The following GRID1 variants were observed in gnomAD, a reference collection of about 807,000 sequenced individuals.
GRID1 encodes glutamate ionotropic receptor delta type subunit 1, also known as glutamate receptor ionotropic, delta-1.
GRID1 carries 28 observed loss-of-function variants against 98.0 expected under a neutral mutation model. The observed-to-expected ratio is 0.29, with a 90% CI of 0.21 to 0.39. The LOEUF (loss-of-function observed/expected upper bound fraction) is 0.39. Ranked by LOEUF, GRID1 falls within the 10% of genes least tolerant of loss-of-function variation. The probability of loss-of-function intolerance (pLI) is 1.00; values close to 1 mark genes in which losing one functional copy is unlikely to be tolerated. For synonymous variants in GRID1, 553 were observed against 538.5 expected (o/e 1.03, Z -0.37); for missense variants, 1,111 against 1,340.5 (o/e 0.83, Z 2.67).
intron 8 of GRID1, among the ~76,000 whole-genome samples, chr10:85,805,566 A>G (rs1842616254): frequency 1.3e-5 from 2 of 151,934 alleles, no homozygotes; most frequent in Admixed American, 6.6e-5. Context: ...AGTAAAAGTG[A>G]AGAATTTACA....
At chr10:86,270,839 A>G (rs1044689860) in intron 2 of GRID1, among the ~76,000 whole-genome samples, 4 of 152,198 alleles carry the variant, frequency 2.6e-5, no homozygotes, top group Non-Finnish European at 4.4e-5. Context: ...TTTTCAAGAC[A>G]TTGGAGAGAA....
At chr10:85,615,506 T>C (rs1842778015) in intron 14 of GRID1, among the ~76,000 whole-genome samples, 1 of 152,238 alleles carries the variant, frequency 6.6e-6, no homozygotes. Context: ...TTGACTAAGA[T>C]GGCTGTGGTT....
chr10:85,865,904 CATATATACATATATATATATAT>C (rs1231582327), intron 6 of GRID1, among the ~76,000 whole-genome samples: 58 of 52,410 alleles, frequency 1.1e-3, no homozygotes, highest in African/African-American at 4.0e-3. Context: ...AAGTGTTTTA[CATATATACATATATATATATAT>C]ATATATATAT....
chr10:85,704,015 C>T (rs962821733), intron 12 of GRID1, among the ~76,000 whole-genome samples: 14 of 152,034 alleles, frequency 9.2e-5, no homozygotes. Flanking sequence ...ATATGAAATT[C>T]TGGGTTGAAA....
chr10:85,834,347 C>T (rs946824698), intron 8 of GRID1, among the ~76,000 whole-genome samples: 2 of 152,088 alleles, frequency 1.3e-5, no homozygotes, highest in Non-Finnish European at 2.9e-5. Context: ...AAAGAACTCT[C>T]AACCATAAAT....
chr10:86,283,227 G>A (rs929773741), intron 2 of GRID1, among the ~76,000 whole-genome samples: 1 of 152,140 alleles, frequency 6.6e-6, no homozygotes, highest in African/African-American at 2.4e-5. Context: ...TCCCCACATA[G>A]GGTTAGGAGA....
intron 13 of GRID1, among the ~76,000 whole-genome samples, chr10:85,620,722 C>A (rs1205158492): frequency 1.3e-5 from 2 of 152,252 alleles, no homozygotes; most frequent in African/African-American, 4.8e-5. Context: ...CCTGCACACA[C>A]CCCTACACAT....
In GRID1 at chr10:85,958,034, G is replaced by A. The variant is rs1355838030; in HGVS notation, c.727-41795C>T. On this transcript the variant is annotated intron_variant, in intron 4 of 15. Coordinates refer to ENST00000327946, the MANE Select transcript of GRID1 (RefSeq NM_017551.3). ...AGATGTGCCAGCTACTCAGGGCCAT[G>A]ATGGCAAAACCCAGCAAGTGGACAA... Among the ~76,000 whole-genome samples the A allele has an allele frequency of 2.0e-5, 3 of 152,220 alleles. No individual in the cohort carries two copies. In the East Asian group the frequency reaches 5.8e-4, roughly 29 times the overall value.
chr10:85,906,052 A>C (rs1841456087), intron 5 of GRID1, among the ~76,000 whole-genome samples: 1 of 152,142 alleles, frequency 6.6e-6, no homozygotes, highest in South Asian at 2.1e-4. Context: ...AAAGTAAGAC[A>C]GTGAAAAAAG....
intron 4 of GRID1, among the ~76,000 whole-genome samples, chr10:86,056,317 T>A (rs1413770549): frequency 6.6e-6 from 1 of 152,224 alleles, no homozygotes; most frequent in Admixed American, 6.5e-5. Context: ...AAGGTCAGAC[T>A]GTATAGAAAG....
intron 4 of GRID1, among the ~76,000 whole-genome samples, chr10:85,992,096 G>A (rs1318486432): frequency 6.6e-6 from 1 of 152,172 alleles, no homozygotes; most frequent in Non-Finnish European, 1.5e-5. Flanking sequence ...GCTGGTGCAA[G>A]TGCAGGTGGG....
At chr10:85,830,988 T>G (rs1358130270) in intron 8 of GRID1, among the ~76,000 whole-genome samples, 2 of 152,198 alleles carry the variant, frequency 1.3e-5, no homozygotes, top group African/African-American at 4.8e-5. Flanking sequence ...TAAATCATTC[T>G]ATTATAAAGA....
intron 12 of GRID1, among the ~76,000 whole-genome samples, chr10:85,672,403 G>T (rs1291872114): frequency 6.6e-6 from 1 of 152,160 alleles, no homozygotes; most frequent in Non-Finnish European, 1.5e-5. Flanking sequence ...CACCTCCCGG[G>T]TTCAAGCGAT....
intron 3 of GRID1, among the ~76,000 whole-genome samples, chr10:86,203,267 G>C (rs1353395496): frequency 6.6e-6 from 1 of 152,186 alleles, no homozygotes; most frequent in Non-Finnish European, 1.5e-5. Context: ...CAGTGAGTCA[G>C]TGGGAGGAGG....
chr10:86,055,759 A>G (rs1431257380), intron 4 of GRID1, among the ~76,000 whole-genome samples: 2 of 123,122 alleles, frequency 1.6e-5, no homozygotes, highest in Non-Finnish European at 3.5e-5. Flanking sequence ...AACAAGAAGA[A>G]GAAGGAGAAG....
At chr10:86,256,415 T>C (rs1030916031) in intron 2 of GRID1, among the ~76,000 whole-genome samples, 1 of 152,158 alleles carries the variant, frequency 6.6e-6, no homozygotes, top group Non-Finnish European at 1.5e-5. Flanking sequence ...CAGTGAACCA[T>C]GATGGCACCA....
At chr10:85,773,321 T>A (rs530226436) in intron 8 of GRID1, among the ~76,000 whole-genome samples, 14 of 152,248 alleles carry the variant, frequency 9.2e-5, no homozygotes, top group African/African-American at 3.4e-4. Flanking sequence ...ATGGGATGTA[T>A]CTCAAAATAA....
chr10:85,943,293 T>C (rs1156251173), intron 4 of GRID1, among the ~76,000 whole-genome samples: 2 of 152,152 alleles, frequency 1.3e-5, no homozygotes, highest in Non-Finnish European at 2.9e-5. Context: ...TAAAGAATGC[T>C]GGAATAAATC....
At chr10:86,026,164 C>T (rs535185003) in intron 4 of GRID1, among the ~76,000 whole-genome samples, 2 of 152,304 alleles carry the variant, frequency 1.3e-5, no homozygotes, top group Non-Finnish European at 2.9e-5. Context: ...AATTTATATA[C>T]GTTTCACACT....
Sources: gnomAD v4.1 joint callset for allele counts (sites outside exome capture counted in the v4.1 genomes callset) on GRCh38, gnomAD v4.1.1 for gene constraint, MANE v1.5 for transcripts, NCBI Gene and HGNC (gene_info 2026-07-23, HGNC 2026-07-21) for gene names.